CRB1: variants seen among roughly 807,000 people sequenced by gnomAD.
CRB1 encodes protein crumbs homolog 1.
Under a neutral mutation model 120.0 loss-of-function variants are expected in CRB1, and 83 were observed. The observed-to-expected ratio is 0.69, with a 90% confidence interval of 0.58 to 0.83. The LOEUF (loss-of-function observed/expected upper bound fraction) is 0.83. Among genes scored for constraint, CRB1 ranks in the 40% least tolerant of loss-of-function variants. The pLI is 0.00. For synonymous variants in CRB1, 625 were observed against 612.5 expected, an observed-to-expected ratio of 1.02 and a Z score of -0.30; for missense variants, 1,699 against 1,687.6, an observed-to-expected ratio of 1.01 and a Z score of -0.12.
chr1:197,469,295 C>T (rs763591896), intron 11 of CRB1, among the ~76,000 whole-genome samples: 11 of 152,256 alleles, frequency 7.2e-5, no homozygotes, highest in East Asian at 5.8e-4. Flanking sequence ...TTCGTTCCCA[C>T]GACTTCCTAG....
chr1:197,337,284 G>C (rs1449177246), intron 2 of CRB1, among the ~76,000 whole-genome samples: 1 of 152,158 alleles, frequency 6.6e-6, no homozygotes, highest in Non-Finnish European at 1.5e-5. Flanking sequence ...TGCCTACCTA[G>C]TTATCAGCAG....
At chr1:197,383,494 T>C (rs533854330) in intron 5 of CRB1, among the ~76,000 whole-genome samples, 1 of 152,318 alleles carries the variant, frequency 6.6e-6, no homozygotes, top group East Asian at 1.9e-4. Context: ...ACTTTTTCAA[T>C]AGAACTGCTA....
intron 1 of CRB1, among the ~76,000 whole-genome samples, chr1:197,280,136 C>T (rs1329200049): frequency 3.3e-5 from 5 of 151,818 alleles, no homozygotes; most frequent in Non-Finnish European, 7.4e-5. Flanking sequence ...GAAATACCAG[C>T]GTCACCATTC....
chr1:197,272,612 A>G (rs1654967735), intron 1 of CRB1, among the ~76,000 whole-genome samples: 1 of 152,180 alleles, frequency 6.6e-6, no homozygotes, highest in Non-Finnish European at 1.5e-5. Flanking sequence ...GAAATGAACT[A>G]TCAAGTCACA....
intron 7 of CRB1, among the ~76,000 whole-genome samples, chr1:197,428,422 G>C (rs1280766129): frequency 6.6e-6 from 1 of 152,208 alleles, no homozygotes; most frequent in Non-Finnish European, 1.5e-5. Flanking sequence ...GAAACAACAA[G>C]AGAAATCTGA....
At chr1:197,346,300 A>AG (rs1272041570) in intron 3 of CRB1, among the ~76,000 whole-genome samples, 1 of 152,134 alleles carries the variant, frequency 6.6e-6, no homozygotes, top group African/African-American at 2.4e-5. Context: ...GAAAAAAAAA[A>AG]AAAGAACTTC....
intron 5 of CRB1, among the ~76,000 whole-genome samples, chr1:197,396,027 A>G (rs1001273100): frequency 6.6e-6 from 1 of 152,168 alleles, no homozygotes; most frequent in African/African-American, 2.4e-5. Context: ...TAGCAGTTAC[A>G]TATATTGGAA....
intron 5 of CRB1, among the ~76,000 whole-genome samples, chr1:197,416,604 C>T (rs1242708126): frequency 6.6e-6 from 1 of 151,720 alleles, no homozygotes; most frequent in Admixed American, 6.6e-5. Flanking sequence ...CTGTCAGGTA[C>T]CAAAGTGAAT....
chr1:197,201,804 T>C, the CRB1 span, among the ~76,000 whole-genome samples: 1 of 152,232 alleles, frequency 6.6e-6, no homozygotes, highest in African/African-American at 2.4e-5. Flanking sequence ...TTTCGTTATT[T>C]TTCTGACTTA....
At chr1:197,278,119 T>C (rs538879617) in intron 1 of CRB1, among the ~76,000 whole-genome samples, 51 of 152,052 alleles carry the variant, frequency 3.4e-4, no homozygotes, top group African/African-American at 1.0e-3. Flanking sequence ...AATGAACATA[T>C]GTATATTGAA....
chr1:197,405,166 A>G (rs1663283851), intron 5 of CRB1, among the ~76,000 whole-genome samples: 1 of 151,838 alleles, frequency 6.6e-6, no homozygotes. Context: ...GGCTCACTGC[A>G]ACCTCCCTGC....
the CRB1 span, among the ~76,000 whole-genome samples, chr1:197,212,887 C>CCA: frequency 2.0e-5 from 3 of 152,052 alleles, no homozygotes; most frequent in Non-Finnish European, 4.4e-5. Flanking sequence ...GATAAAATTT[C>CCA]TAGTCCATGG....
In CRB1 at chr1:197,332,909, G is replaced by C. The variant is rs555931376; in HGVS notation, c.652+3906G>C. Among the ~76,000 whole-genome samples, 314 of 152,282 alleles carry C rather than the reference G, an allele frequency of 2.1e-3. 2 individuals are homozygous for C. The highest frequency in any genetic ancestry group is 3.1e-3 in the Non-Finnish European group (210 of 68,026). On this transcript the variant is annotated intron_variant, in intron 2 of 11. Transcript: ENST00000367400. ...CTAACGAGAACCCCAAAGAAGGTCT[G>C]TAGAACCAAGGGAAAAGCCAAAGTT...
At chr1:197,430,821 T>A (rs931461955) in intron 8 of CRB1, among the ~76,000 whole-genome samples, 5 of 152,142 alleles carry the variant, frequency 3.3e-5, no homozygotes, top group African/African-American at 1.2e-4. Flanking sequence ...ATTTGTAAAA[T>A]AAATAAATTG....
At chr1:197,241,715 T>C in the CRB1 span, among the ~76,000 whole-genome samples, 1 of 151,632 alleles carries the variant, frequency 6.6e-6, no homozygotes, top group African/African-American at 2.4e-5. Context: ...TTTTTTTTTT[T>C]CTAATTCTCT....
intron 1 of CRB1, among the ~76,000 whole-genome samples, chr1:197,317,221 C>A (rs1399352126): frequency 6.6e-6 from 1 of 152,082 alleles, no homozygotes; most frequent in African/African-American, 2.4e-5. Context: ...AGTTCAAGAC[C>A]AGCCTGACCA....
At chr1:197,431,123 A>G (rs1664850750) in intron 8 of CRB1, among the ~76,000 whole-genome samples, 1 of 152,126 alleles carries the variant, frequency 6.6e-6, no homozygotes, top group South Asian at 2.1e-4. Context: ...AATGGAATGG[A>G]ACTAGAGGAT....
chr1:197,223,086 A>G, the CRB1 span: 2 of 800,808 alleles, frequency 2.5e-6, no homozygotes, highest in South Asian at 2.7e-5. Flanking sequence ...GCAAGTCCCT[A>G]TAACCTTGCG....
rs150988698 is a variant in CRB1, at chr1:197,414,693, A to G, written c.1172-6307A>G. Among the ~76,000 whole-genome samples the G allele has an allele frequency of 2.5e-3, 378 of 152,350 alleles. 1 individual carries two copies. The highest frequency in any genetic ancestry group is 8.5e-3 in the African/African-American group (353 of 41,590). ...ATTCAACTAAAATACCCAATTAAGA[A>G]GACTGAATGGCCCCAATGGTCCCAT... is the stretch of plus-strand genomic sequence containing the variant. On this transcript the variant is annotated intron_variant, in intron 5 of 11. Coordinates refer to ENST00000367400, the MANE Select transcript of CRB1 (RefSeq NM_201253.3).
Sources: gnomAD v4.1 joint callset for allele counts (sites outside exome capture counted in the v4.1 genomes callset) on GRCh38, gnomAD v4.1.1 for gene constraint, MANE v1.5 for transcripts, NCBI Gene and HGNC (gene_info 2026-07-23, HGNC 2026-07-21) for gene names.